Variants in DHRSX observed in about 807,000 individuals in gnomAD.
DHRSX encodes polyprenol dehydrogenase.
Under a neutral mutation model 34.0 loss-of-function variants are expected in DHRSX, and 31 were observed. The observed-to-expected ratio is 0.91, with a 90% CI of 0.69 to 1.23. The LOEUF (loss-of-function observed/expected upper bound fraction) is 1.23. DHRSX is among the 50% of genes most tolerant of loss of function. The probability of loss-of-function intolerance (pLI) is 0.00; values close to 1 mark genes in which losing one functional copy is unlikely to be tolerated. For missense variants in DHRSX, 414 were observed against 428.1 expected, an observed-to-expected ratio of 0.97 and a Z score of 0.29; for synonymous variants, 201 against 183.8, an observed-to-expected ratio of 1.09 and a Z score of -0.76.
At chrX:2,371,186 A>T (rs1175803313) in intron 3 of DHRSX, among the ~76,000 whole-genome samples, 11 of 143,946 alleles carry the variant, frequency 7.6e-5, no homozygotes, top group Non-Finnish European at 1.7e-4. Context: ...GTTACCATAG[A>T]CCCTCCTCCG....
In DHRSX at chrX:2,404,996, C is replaced by T. The variant is rs377514370; in HGVS notation, c.286+3749G>A. Among the ~76,000 whole-genome samples, 616 of 152,304 alleles carry T rather than the reference C, an allele frequency of 4.0e-3. 10 individuals are homozygous for T. The highest frequency in any genetic ancestry group is 0.034 in the South Asian group (162 of 4,824). On this transcript the variant is annotated intron_variant, in intron 3 of 6. Transcript: ENST00000334651. The stretch of plus-strand genomic sequence containing the variant: ...TACACTGGGCTTGGCTCTGGCTGAG[C>T]GGGAGCCCCTGTGGGAGTGTGTTCC...
chrX:2,489,061 G>A, intron 1 of DHRSX: 3 of 1,613,870 alleles, frequency 1.9e-6, no homozygotes, highest in Non-Finnish European at 1.7e-6. Context: ...CGCCTGTCTG[G>A]CAGAAGATCT....
chrX:2,241,960 G>A (rs1196959419), intron 6 of DHRSX, among the ~76,000 whole-genome samples: 2 of 151,800 alleles, frequency 1.3e-5, no homozygotes, highest in African/African-American at 4.8e-5. Flanking sequence ...ATCTGTTTTC[G>A]GGCCACTGTA....
intron 3 of DHRSX, among the ~76,000 whole-genome samples, chrX:2,395,647 C>T (rs1006582955): frequency 1.6e-4 from 25 of 152,056 alleles, no homozygotes; most frequent in Admixed American, 4.6e-4. Context: ...CAGCGGAACC[C>T]CCAGGGGACT....
intron 3 of DHRSX, among the ~76,000 whole-genome samples, chrX:2,380,205 G>A (rs1382128641): frequency 7.0e-6 from 1 of 143,126 alleles, no homozygotes; most frequent in East Asian, 2.2e-4. Flanking sequence ...TGAGGCAGGA[G>A]AATTGCTTGA....
At chrX:2,354,439 C>G (rs1048225074) in intron 3 of DHRSX, among the ~76,000 whole-genome samples, 6 of 152,164 alleles carry the variant, frequency 3.9e-5, no homozygotes, top group Non-Finnish European at 8.8e-5. Flanking sequence ...CTACCCACAG[C>G]CTCCACTCCC....
At chrX:2,404,742 G>T (rs756118928) in intron 3 of DHRSX, among the ~76,000 whole-genome samples, 1 of 148,810 alleles carries the variant, frequency 6.7e-6, no homozygotes, top group Non-Finnish European at 1.5e-5. Context: ...AGCTCCCCCC[G>T]CCCCAGAAAA....
chrX:2,284,686 CTAGA>C (rs1202060790), intron 4 of DHRSX, among the ~76,000 whole-genome samples: 2 of 152,080 alleles, frequency 1.3e-5, no homozygotes, highest in African/African-American at 2.4e-5. Context: ...GGATGGGAAG[CTAGA>C]TAAATACAAT....
intron 3 of DHRSX, among the ~76,000 whole-genome samples, chrX:2,324,870 G>A (rs1416140055): frequency 6.7e-6 from 1 of 149,964 alleles, no homozygotes; most frequent in Non-Finnish European, 1.5e-5. Context: ...CCGGGTTCAA[G>A]CAATTCGCCT....
intron 3 of DHRSX, among the ~76,000 whole-genome samples, chrX:2,325,498 T>C (rs773730685): frequency 4.3e-4 from 65 of 152,288 alleles, no homozygotes; most frequent in African/African-American, 1.5e-3. Context: ...GTCAGCCACA[T>C]GTAAAGTAAG....
At chrX:2,478,547 T>C (rs1299858800) in intron 1 of DHRSX, among the ~76,000 whole-genome samples, 2 of 78,698 alleles carry the variant, frequency 2.5e-5, no homozygotes, top group Non-Finnish European at 5.5e-5. Context: ...CACCAGTGTG[T>C]ACACATTGAA....
intron 3 of DHRSX, among the ~76,000 whole-genome samples, chrX:2,345,194 C>A (rs1187176963): frequency 1.3e-5 from 2 of 151,932 alleles, no homozygotes; most frequent in African/African-American, 4.8e-5. Flanking sequence ...TTTATAAGTC[C>A]ACTTGGCTGA....
intron 6 of DHRSX, among the ~76,000 whole-genome samples, chrX:2,234,887 T>C (rs2015978422): frequency 6.6e-6 from 1 of 152,094 alleles, no homozygotes; most frequent in Non-Finnish European, 1.5e-5. Flanking sequence ...ATTTTTGTAT[T>C]TTTAGTAGAG....
intron 3 of DHRSX, among the ~76,000 whole-genome samples, chrX:2,361,265 CA>C (rs1228172714): frequency 1.3e-5 from 2 of 152,006 alleles, no homozygotes; most frequent in African/African-American, 4.8e-5. Flanking sequence ...CGCCCACCAC[CA>C]CACCCAATTT....
At chrX:2,454,842 G>A (rs1466756783) in intron 1 of DHRSX, among the ~76,000 whole-genome samples, 1 of 152,082 alleles carries the variant, frequency 6.6e-6, no homozygotes, top group Non-Finnish European at 1.5e-5. Flanking sequence ...GTTGGGCGTG[G>A]TGGCTCACGC....
At chrX:2,272,037 C>G (rs774927307) in intron 4 of DHRSX, among the ~76,000 whole-genome samples, 52 of 151,730 alleles carry the variant, frequency 3.4e-4, no homozygotes, top group African/African-American at 1.2e-3. Flanking sequence ...TGAGACAAAA[C>G]GAAACAAAAA....
At chrX:2,495,648 C>CCCTCCTTCCTCCTT (rs764923016) in intron 1 of DHRSX, among the ~76,000 whole-genome samples, 9 of 152,094 alleles carry the variant, frequency 5.9e-5, no homozygotes, top group East Asian at 5.8e-4. Flanking sequence ...GCAGTGAGTA[C>CCCTCCTTCCTCCTT]CCTCCTTCCT....
intron 3 of DHRSX, among the ~76,000 whole-genome samples, chrX:2,327,837 T>G (rs1011035847): frequency 2.0e-5 from 3 of 151,550 alleles, no homozygotes; most frequent in African/African-American, 7.3e-5. Flanking sequence ...TCCCAGTACT[T>G]TGGGAGGCTG....
intron 1 of DHRSX, among the ~76,000 whole-genome samples, chrX:2,438,016 A>AAT (rs2044016118): frequency 6.6e-6 from 1 of 150,906 alleles, no homozygotes; most frequent in African/African-American, 2.4e-5. Flanking sequence ...GGGAAAAAAA[A>AAT]AAAACTGAAT....
Sources: allele counts gnomAD v4.1 joint callset (sites outside exome capture counted in the v4.1 genomes callset), GRCh38; gene constraint gnomAD v4.1.1; transcripts MANE v1.5; gene names NCBI Gene and HGNC (gene_info 2026-07-23, HGNC 2026-07-21).